The following PBX3 variants were observed in gnomAD, a reference collection of about 807,000 sequenced individuals.
PBX3 encodes PBX homeobox 3.
A neutral mutation model predicts 48.5 loss-of-function variants in PBX3; 14 were observed. The observed-to-expected ratio is 0.29, with a 90% CI of 0.19 to 0.45. The LOEUF (loss-of-function observed/expected upper bound fraction) is 0.45, where lower values mean the gene tolerates loss of function less well. Among genes scored for constraint, PBX3 ranks in the 20% least tolerant of loss-of-function variants. PBX3 has a pLI of 1.00. For synonymous variants in PBX3, 210 were observed against 200.3 expected, an observed-to-expected ratio of 1.05 and a Z score of -0.41; for missense variants, 386 against 546.7, an observed-to-expected ratio of 0.71 and a Z score of 2.93.
intron 2 of PBX3, among the ~76,000 whole-genome samples, chr9:125,913,220 G>A (rs1306259203): frequency 6.6e-6 from 1 of 152,008 alleles, no homozygotes; most frequent in Non-Finnish European, 1.5e-5. Flanking sequence ...GTCAGGAAAT[G>A]ATTTTTCTGA....
chr9:125,809,787 T>C (rs1838234199), intron 2 of PBX3, among the ~76,000 whole-genome samples: 1 of 152,086 alleles, frequency 6.6e-6, no homozygotes, highest in African/African-American at 2.4e-5. Context: ...AAGAAGACAC[T>C]GCAATATAGA....
rs2111358 is a variant in PBX3 at position 125,962,404 on chromosome 9, A to T, written c.1122+190A>T. 2.0e-5 allele frequency among the ~76,000 whole-genome samples: 3 copies of T among 152,206 alleles called. No individual in the cohort carries two copies. The South Asian group carries it at 6.2e-4, about 32-fold the overall frequency. On this transcript the variant is annotated intron_variant, in intron 7 of 8. Transcript: ENST00000373489. ...GTGAACAGTGACTTGTGATGATTCAAACCTGATAAACTTTGTGAATGCATT... is the reference window on the plus strand; with the variant it reads ...GTGAACAGTGACTTGTGATGATTCATACCTGATAAACTTTGTGAATGCATT...
At chr9:125,833,095 G>A (rs1202083549) in intron 2 of PBX3, among the ~76,000 whole-genome samples, 3 of 152,086 alleles carry the variant, frequency 2.0e-5, no homozygotes, top group Non-Finnish European at 4.4e-5. Flanking sequence ...TTTATTCTTG[G>A]GTGCTAATTA....
At chr9:125,920,816 A>G (rs1334983945) in intron 3 of PBX3, among the ~76,000 whole-genome samples, 1 of 152,196 alleles carries the variant, frequency 6.6e-6, no homozygotes, top group African/African-American at 2.4e-5. Flanking sequence ...CTCAGGACCA[A>G]TCAGGTAGCG....
At chr9:125,748,333 G>A (rs1836264434) in intron 1 of PBX3, 1 of 1,248,484 alleles carries the variant, frequency 8.0e-7, no homozygotes, top group East Asian at 3.7e-5. Flanking sequence ...TGCCTGCCGG[G>A]CAGATGGGTC....
At chr9:125,936,775 T>C (rs1179367494) in intron 5 of PBX3, among the ~76,000 whole-genome samples, 2 of 152,214 alleles carry the variant, frequency 1.3e-5, no homozygotes, top group African/African-American at 4.8e-5. Context: ...GATTTCTTTT[T>C]ACGCAGTTAG....
intron 2 of PBX3, among the ~76,000 whole-genome samples, chr9:125,892,100 T>C (rs1840660288): frequency 3.9e-5 from 6 of 152,036 alleles, no homozygotes; most frequent in Admixed American, 3.9e-4. Flanking sequence ...TTGTATTTTT[T>C]TTAGTAGAGA....
intron 2 of PBX3, among the ~76,000 whole-genome samples, chr9:125,913,186 C>T (rs1841243694): frequency 1.3e-5 from 2 of 151,948 alleles, no homozygotes; most frequent in Admixed American, 6.6e-5. Context: ...TAGTACTTTT[C>T]ATCTAAAGAA....
At chr9:125,956,655 G>A (rs1488183138) in intron 5 of PBX3, among the ~76,000 whole-genome samples, 1 of 152,184 alleles carries the variant, frequency 6.6e-6, no homozygotes, top group Non-Finnish European at 1.5e-5. Context: ...AGTAGAAGAG[G>A]GAGAGTACTT....
intron 3 of PBX3, among the ~76,000 whole-genome samples, chr9:125,917,802 A>G (rs901643177): frequency 6.6e-6 from 1 of 152,162 alleles, no homozygotes; most frequent in Non-Finnish European, 1.5e-5. Context: ...GGTGTTTTCT[A>G]TTTTTGGAAT....
At chr9:125,942,569 T>C (rs1225939689) in intron 5 of PBX3, among the ~76,000 whole-genome samples, 4 of 152,178 alleles carry the variant, frequency 2.6e-5, no homozygotes, top group Non-Finnish European at 5.9e-5. Context: ...CAAATTACAG[T>C]ACTTTTTTTC....
intron 4 of PBX3, among the ~76,000 whole-genome samples, chr9:125,932,862 T>G: frequency 6.6e-6 from 1 of 152,170 alleles, no homozygotes; most frequent in Non-Finnish European, 1.5e-5. Flanking sequence ...AGGGCCAGAA[T>G]GAGAGAGTGG....
chr9:125,918,619 A>G (rs1841387257), intron 3 of PBX3, among the ~76,000 whole-genome samples: 1 of 152,220 alleles, frequency 6.6e-6, no homozygotes, highest in Non-Finnish European at 1.5e-5. Flanking sequence ...TAAAATCTGT[A>G]CAGTAGGGAC....
At chr9:125,930,334 T>A (rs1014947269) in intron 4 of PBX3, among the ~76,000 whole-genome samples, 1 of 152,214 alleles carries the variant, frequency 6.6e-6, no homozygotes, top group African/African-American at 2.4e-5. Context: ...AAGCCTACCA[T>A]TTTTCCTGTA....
intron 5 of PBX3, among the ~76,000 whole-genome samples, chr9:125,960,394 A>G (rs942062477): frequency 2.0e-5 from 3 of 152,236 alleles, no homozygotes; most frequent in Non-Finnish European, 4.4e-5. Flanking sequence ...GACTATTTAT[A>G]TACTAATCGG....
At chr9:125,916,021 T>TG in intron 3 of PBX3, 94 bp downstream of exon 3, 1 of 1,482,366 alleles carries the variant, frequency 6.7e-7, no homozygotes, top group Non-Finnish European at 9.0e-7. Flanking sequence ...GAGGGGTAGG[T>TG]GTTAACACAA....
At chr9:125,804,237 A>G (rs892368911) in intron 2 of PBX3, among the ~76,000 whole-genome samples, 2 of 152,242 alleles carry the variant, frequency 1.3e-5, no homozygotes, top group Non-Finnish European at 2.9e-5. Flanking sequence ...AAGAGTTATA[A>G]AGATTCTTAG....
intron 2 of PBX3, among the ~76,000 whole-genome samples, chr9:125,802,359 A>ATTTTTTTT (rs57805307): frequency 1.5e-5 from 1 of 67,760 alleles, no homozygotes; most frequent in African/African-American, 5.3e-5. Context: ...ACATTAGTGC[A>ATTTTTTTT]TTTTTTTTTT....
chr9:125,784,721 G>C, intron 2 of PBX3, among the ~76,000 whole-genome samples: 1 of 152,206 alleles, frequency 6.6e-6, no homozygotes, highest in Middle Eastern at 3.4e-3. Flanking sequence ...AAAACAAAAA[G>C]AAGAAAGGAA....
Sources: gnomAD v4.1 joint callset for allele counts (sites outside exome capture counted in the v4.1 genomes callset) on GRCh38, gnomAD v4.1.1 for gene constraint, MANE v1.5 for transcripts, NCBI Gene and HGNC (gene_info 2026-07-23, HGNC 2026-07-21) for gene names.